API5: variants seen among roughly 807,000 people sequenced by gnomAD.
API5 encodes FIF.
A neutral mutation model predicts 71.9 loss-of-function variants in API5; 6 were observed. The ratio of observed to expected loss-of-function variants is 0.08; its 90% CI spans 0.05 to 0.16. API5 has a LOEUF of 0.16. Ranked by LOEUF, API5 falls within the 10% of genes least tolerant of loss-of-function variation. API5 has a pLI of 1.00. For synonymous variants in API5, 189 were observed against 221.3 expected, an observed-to-expected ratio of 0.85 and a Z score of 1.30; for missense variants, 332 against 612.8, an observed-to-expected ratio of 0.54 and a Z score of 4.84.
chr11:43,312,061 T>C lies in API5; in HGVS notation c.-67T>C. 1 of 1,576,744 alleles carries C rather than the reference T, an allele frequency of 6.3e-7. No individual in the cohort carries two copies. The highest frequency in any genetic ancestry group is 8.7e-7 in the Non-Finnish European group (1 of 1,151,520). On this transcript the variant is annotated 5_prime_UTR_variant, in exon 1 of 14. Coordinates refer to ENST00000531273, the MANE Select transcript of API5 (RefSeq NM_001142930.2). ...GTGCGGGTAGTGGGTTTGGAGAAGTTCCGAGGCGGCGGTGGCGCCGGTCAG... is the reference window on the plus strand; with the variant it reads ...GTGCGGGTAGTGGGTTTGGAGAAGTCCCGAGGCGGCGGTGGCGCCGGTCAG...
At position 43,322,081 on chromosome 11, in the gene API5, C is replaced by T; in HGVS notation, c.488C>T (p.Pro163Leu). 2 of 1,613,152 alleles carry T rather than the reference C, an allele frequency of 1.2e-6. No homozygotes were observed. The highest frequency in any genetic ancestry group is 1.7e-6 in the Non-Finnish European group (2 of 1,179,678). ...CTTTCTACAAAACTTAAGACTTTACCAGATGAAGTCTTAACAAAGGAAGTG... is the reference window on the plus strand; with the variant it reads ...CTTTCTACAAAACTTAAGACTTTACTAGATGAAGTCTTAACAAAGGAAGTG... ...KFLSTKLKTL[P>L]DEVLTKEVEE... The change falls in exon 5 of 14, where the codon CCA becomes CTA. Residue 163 changes from proline (P) to leucine (L), a missense_variant. Coordinates refer to ENST00000531273, the MANE Select transcript of API5 (RefSeq NM_001142930.2).
rs1418572758 is a variant in API5, at chr11:43,342,856, G to A, written c.*346G>A. On this transcript the variant is annotated 3_prime_UTR_variant, in exon 14 of 14. Transcript: ENST00000531273. ...AATTCAGTCTAGTTCTGCTGATAAA[G>A]ATCATCAGTTTTGAAAGGTTACTGA... is the stretch of plus-strand genomic sequence containing the variant. The A allele has an allele frequency of 1.8e-6, 1 of 545,408 alleles. No homozygotes were observed. The highest frequency in any genetic ancestry group is 1.9e-5 in the African/African-American group (1 of 52,204). 33.8% of individuals were successfully genotyped at this position (545,408 alleles called of 1,614,324 possible).
intron 1 of API5, among the ~76,000 whole-genome samples, chr11:43,312,919 C>T (rs1854534750): frequency 6.6e-6 from 1 of 151,882 alleles, no homozygotes; most frequent in South Asian, 2.1e-4. Context: ...CCAGCCTGAC[C>T]CACATGGTGA....
In API5 at chr11:43,344,048, AATAAT is replaced by A. The variant is rs1855706879; in HGVS notation, c.*1539_*1543del. On this transcript the variant is annotated 3_prime_UTR_variant, in exon 14 of 14. Transcript: ENST00000531273. Reference sequence around the variant, plus strand: ...GTCAGCTTGGCTATGGAGTGGTGGCAATAATCTCTAAACATTCCAAAAGACCATGA... The same window carrying A: ...GTCAGCTTGGCTATGGAGTGGTGGCACTCTAAACATTCCAAAAGACCATGA... The A allele has an allele frequency of 6.6e-6, 1 of 152,636 alleles. No homozygotes were observed. The highest frequency in any genetic ancestry group is 1.5e-5 in the Non-Finnish European group (1 of 68,036). 9.5% of individuals were successfully genotyped at this position (152,636 alleles called of 1,614,324 possible). A position where few individuals can be genotyped will look rare whatever the true frequency, so the allele number is the denominator to read the frequency against.
rs72898965 is a variant in API5, at chr11:43,322,619, G to A, written c.543+483G>A. Among the ~76,000 whole-genome samples, 867 of 152,302 alleles carry A rather than the reference G, an allele frequency of 5.7e-3. 6 individuals are homozygous for A. The highest frequency in any genetic ancestry group is 5.8e-3 in the Non-Finnish European group (397 of 68,028). ...TAGTTGTAGACGCTAAGATTGGCAAGGTGCGTCACAATTAACTTTTCACTC... is the reference window on the plus strand; with the variant it reads ...TAGTTGTAGACGCTAAGATTGGCAAAGTGCGTCACAATTAACTTTTCACTC... On this transcript the variant is annotated intron_variant, in intron 5 of 13. Transcript: ENST00000531273.
intron 5 of API5, among the ~76,000 whole-genome samples, chr11:43,322,907 A>G (rs537145875): frequency 6.6e-6 from 1 of 152,278 alleles, no homozygotes; most frequent in South Asian, 2.1e-4. Context: ...TGGTCCATGA[A>G]TAGAAAGATT....
At position 43,323,552 on chromosome 11, in the gene API5, C is replaced by T. The variant is rs748486932; in HGVS notation, c.666C>T (p.Asp222=). The T allele has an allele frequency of 9.9e-6, 16 of 1,613,990 alleles. No homozygotes were observed. Among genetic ancestry groups the T allele is most frequent in the Non-Finnish European group, 1.4e-5 (16 of 1,179,992 alleles). Residue 222 remains aspartate (D), a synonymous_variant, in exon 6 of 14, where the codon GAC becomes GAT. Transcript: ENST00000531273. ...TAGAGTTGGTGGCTGAACAGGCCGA[C>T]CTAGAACAGACCTTCAATCCCTCGG... is the stretch of plus-strand genomic sequence containing the variant. ...QLVELVAEQA[D]LEQTFNPSDP... is the part of the protein sequence containing the mutation.
Position 43,322,080 on chromosome 11 carries a change from C to A in API5, c.487C>A (p.Pro163Thr), listed in dbSNP as rs761066169. ...CCTTTCTACAAAACTTAAGACTTTACCAGATGAAGTCTTAACAAAGGAAGT... is the reference window on the plus strand; with the variant it reads ...CCTTTCTACAAAACTTAAGACTTTAACAGATGAAGTCTTAACAAAGGAAGT... ...KFLSTKLKTL[P>T]DEVLTKEVEE... The change falls in exon 5 of 14, where the codon CCA becomes ACA. Residue 163 changes from proline (P) to threonine (T), a missense_variant. By Grantham distance (38) the Pro-to-Thr change is conservative. Transcript: ENST00000531273. 5.0e-6 allele frequency: 8 copies of A among 1,613,178 alleles called. No homozygotes were observed. Among genetic ancestry groups the A allele is most frequent in the Non-Finnish European group, 6.8e-6 (8 of 1,179,580 alleles).
intron 6 of API5, among the ~76,000 whole-genome samples, chr11:43,324,609 A>C (rs1421331352): frequency 6.6e-6 from 1 of 152,104 alleles, no homozygotes; most frequent in African/African-American, 2.4e-5. Context: ...TAAGTAATAG[A>C]ATTATCCCTT....
intron 6 of API5, among the ~76,000 whole-genome samples, chr11:43,324,794 C>T (rs1855012547): frequency 2.0e-5 from 3 of 152,106 alleles, no homozygotes; most frequent in Non-Finnish European, 4.4e-5. Flanking sequence ...TCTCGTGCCT[C>T]AACTTCCCGA....
chr11:43,332,899 G>T (rs1459688927), intron 11 of API5, among the ~76,000 whole-genome samples: 1 of 152,120 alleles, frequency 6.6e-6, no homozygotes, highest in African/African-American at 2.4e-5. Context: ...CCATCCTGTG[G>T]TTATCTAGAG....
In API5 at chr11:43,328,731, C is replaced by T; in HGVS notation, c.965C>T (p.Pro322Leu). Residue 322 changes from proline (P) to leucine (L), a missense_variant, in exon 9 of 14, where the codon CCA becomes CTA. Physicochemically the swap from Pro to Leu is moderately conservative, Grantham distance 98. Transcript: ENST00000531273. Reference sequence around the variant, plus strand: ...TCTTAGGAATACATGCCCCTCCCTCCAGAAGAGGCAGAAAATGGAGAGAAT... The same window carrying T: ...TCTTAGGAATACATGCCCCTCCCTCTAGAAGAGGCAGAAAATGGAGAGAAT... The part of the protein sequence containing the change: ...DKLLEYMPLP[P>L]EEAENGENAG... 1 of 1,613,638 alleles carries T rather than the reference C, an allele frequency of 6.2e-7. No homozygotes were observed. Among genetic ancestry groups the T allele is most frequent in the Non-Finnish European group, 8.5e-7 (1 of 1,179,674 alleles).
At chr11:43,333,531 C>G (rs1328647141) in intron 11 of API5, among the ~76,000 whole-genome samples, 2 of 152,048 alleles carry the variant, frequency 1.3e-5, no homozygotes. Flanking sequence ...TGACTGGCTA[C>G]TATTGATTAC....
intron 13 of API5, among the ~76,000 whole-genome samples, chr11:43,338,528 T>G (rs1855508005): frequency 6.6e-6 from 1 of 151,200 alleles, no homozygotes; most frequent in Non-Finnish European, 1.5e-5. Flanking sequence ...AAAAAAAATG[T>G]AAGCTTGAAA....
At chr11:43,334,111 T>C (rs1657061945) in intron 11 of API5, among the ~76,000 whole-genome samples, 1 of 152,166 alleles carries the variant, frequency 6.6e-6, no homozygotes, top group African/African-American at 2.4e-5. Flanking sequence ...CCTGAAAATC[T>C]TGAAATGTTT....
intron 4 of API5, among the ~76,000 whole-genome samples, chr11:43,321,764 T>TA (rs958568292): frequency 6.6e-6 from 1 of 152,146 alleles, no homozygotes; most frequent in African/African-American, 2.4e-5. Flanking sequence ...TTAGTAATGA[T>TA]AAAAAAGGAA....
At chr11:43,312,307 G>A (rs5743213) in intron 1 of API5, 111 bp downstream of exon 1, 58,010 of 1,204,504 alleles carry the variant, frequency 0.048, 6,649 homozygotes, top group African/African-American at 0.42. Context: ...ATCCTCCCGG[G>A]GCCTCCTAGC....
chr11:43,320,952 T>G (rs1464442672), intron 3 of API5, 38 bp downstream of exon 3: 2 of 1,508,872 alleles, frequency 1.3e-6, no homozygotes, highest in Admixed American at 3.4e-5. Flanking sequence ...TCTAAATATA[T>G]ATCTTCTTTC....
At chr11:43,329,611 G>C (rs1318643693) in intron 9 of API5, among the ~76,000 whole-genome samples, 1 of 152,170 alleles carries the variant, frequency 6.6e-6, no homozygotes, top group Non-Finnish European at 1.5e-5. Context: ...AACTGTAGCT[G>C]TTGTTATTAA....
Sources: gnomAD v4.1 joint callset for allele counts (sites outside exome capture counted in the v4.1 genomes callset) on GRCh38, gnomAD v4.1.1 for gene constraint, MANE v1.5 for transcripts, NCBI Gene and HGNC (gene_info 2026-07-23, HGNC 2026-07-21) for gene names.